Variants in PCNX2 observed in about 807,000 individuals in gnomAD.
PCNX2 encodes the protein pecanex-like protein 2.
A neutral mutation model predicts 223.8 loss-of-function variants in PCNX2; 168 were observed. The observed-to-expected ratio is 0.75, with a 90% CI of 0.66 to 0.85. PCNX2 has a LOEUF of 0.85. Among genes scored for constraint, PCNX2 ranks in the 40% least tolerant of loss-of-function variants. PCNX2 has a pLI of 0.00. For missense variants in PCNX2, 2,507 were observed against 2,675.5 expected, an observed-to-expected ratio of 0.94 and a Z score of 1.39; for synonymous variants, 1,006 against 1,052.6, an observed-to-expected ratio of 0.96 and a Z score of 0.86.
At chr1:233,063,073 C>G (rs929217396) in intron 23 of PCNX2, among the ~76,000 whole-genome samples, 8 of 152,050 alleles carry the variant, frequency 5.3e-5, no homozygotes, top group Non-Finnish European at 8.8e-5. Context: ...CCTGTCTCTA[C>G]TAAAAATATG....
chr1:233,295,685 G>C lies in PCNX2; in HGVS notation c.-207C>G, dbSNP rs993906890. ...ACCCGCGAACCGCGGCGCCGGAGCC[G>C]GCTGCTGCGGCCGGGCAGGTGAGCG... On this transcript the variant is annotated 5_prime_UTR_variant, in exon 1 of 34. Transcript: ENST00000258229. This position sits in a 1 kb window ranked among gnomAD's most constrained non-coding sequence, Gnocchi z 4.1. The C allele has an allele frequency of 2.1e-6, 1 of 475,236 alleles. No homozygotes were observed. The highest frequency in any genetic ancestry group is 3.3e-6 in the Non-Finnish European group (1 of 300,546). 29.4% of individuals were successfully genotyped at this position (475,236 alleles called of 1,614,324 possible). A position where few individuals can be genotyped will look rare whatever the true frequency, so the allele number is the denominator to read the frequency against.
chr1:233,256,220 T>G (rs1000601469), intron 5 of PCNX2, among the ~76,000 whole-genome samples: 2 of 152,084 alleles, frequency 1.3e-5, no homozygotes, highest in African/African-American at 4.8e-5. Flanking sequence ...GCAAACCAAA[T>G]AAACTTTACA....
intron 31 of PCNX2, among the ~76,000 whole-genome samples, chr1:232,998,814 A>G (rs1669966896): frequency 6.6e-6 from 1 of 152,144 alleles, no homozygotes; most frequent in Admixed American, 6.5e-5. Context: ...TTGCTAACAG[A>G]TGTGGAATGG....
At chr1:233,108,740 G>A (rs1173522036) in intron 21 of PCNX2, among the ~76,000 whole-genome samples, 1 of 152,164 alleles carries the variant, frequency 6.6e-6, no homozygotes, top group Non-Finnish European at 1.5e-5. Flanking sequence ...GGAAGGGATT[G>A]TTTAAAAATG....
intron 26 of PCNX2, among the ~76,000 whole-genome samples, chr1:233,020,006 C>T (rs561610789): frequency 1.3e-5 from 2 of 152,128 alleles, no homozygotes; most frequent in Non-Finnish European, 1.5e-5. Context: ...AGTTTTTCTG[C>T]AACATGGCCT....
intron 25 of PCNX2, among the ~76,000 whole-genome samples, chr1:233,046,771 T>C (rs770580437): frequency 1.3e-5 from 2 of 152,240 alleles, no homozygotes; most frequent in Non-Finnish European, 2.9e-5. Flanking sequence ...TCCTTCTGTA[T>C]TTCATCTGAT....
At chr1:233,284,216 G>A (rs1294598810) in intron 1 of PCNX2, among the ~76,000 whole-genome samples, 3 of 152,160 alleles carry the variant, frequency 2.0e-5, no homozygotes, top group African/African-American at 7.2e-5. Flanking sequence ...ACCATCATAT[G>A]AATAACTTTT....
In PCNX2 at chr1:233,258,387, G is replaced by A. The variant is rs181942130; in HGVS notation, c.1475C>T (p.Ser492Leu). 39 of 1,613,964 alleles carry A rather than the reference G, an allele frequency of 2.4e-5. No homozygotes were observed. Among genetic ancestry groups the A allele is most frequent in the African/African-American group, 2.3e-4 (17 of 75,040 alleles). The change falls in exon 5 of 34, where the codon TCG (serine) becomes TTG (leucine). Residue 492 changes from serine to leucine, a missense_variant. By Grantham distance (145) the Ser-to-Leu change is moderately radical. This residue lies in a region of PCNX2 where 1,031 missense variants were observed against 1,021.7 expected (regional missense o/e 1.01). Transcript: ENST00000258229. ...TGTATCAGGTGTAAGCCGGGACACC[G>A]ATTCCCAGGGTTCCCGTGATGAAGA... ...HSSSSREPWE[S>L]VSRLTPDTGS...
the PCNX2 span, among the ~76,000 whole-genome samples, chr1:233,317,407 C>G: frequency 7.1e-6 from 1 of 141,018 alleles, no homozygotes; most frequent in Admixed American, 7.2e-5. Flanking sequence ...GTGCGAGACT[C>G]TGTCTCAAAA....
At chr1:233,082,564 T>A (rs1260351551) in intron 23 of PCNX2, among the ~76,000 whole-genome samples, 1 of 152,076 alleles carries the variant, frequency 6.6e-6, no homozygotes, top group Non-Finnish European at 1.5e-5. Context: ...TATATGTAAA[T>A]CCCTCCCTGG....
chr1:233,134,147 A>G (rs1676670907), intron 21 of PCNX2, among the ~76,000 whole-genome samples: 1 of 152,212 alleles, frequency 6.6e-6, no homozygotes, highest in African/African-American at 2.4e-5. Context: ...CAGTCTCCAG[A>G]AGAAACCCCG....
Position 233,295,313 on chromosome 1 carries a change from C to A in PCNX2, c.153+13G>T. On this transcript the variant is annotated intron_variant, in intron 1 of 33. Coordinates refer to ENST00000258229, the MANE Select transcript of PCNX2 (RefSeq NM_014801.4). This position sits in a 1 kb window ranked among gnomAD's most constrained non-coding sequence, Gnocchi z 4.1. Reference sequence around the variant, plus strand: ...TACCCACAGCTCCCCGGGACCGGACCCTCCCCACTCACCAGGTGCAGGGCC... The same window carrying A: ...TACCCACAGCTCCCCGGGACCGGACACTCCCCACTCACCAGGTGCAGGGCC... 1 of 1,573,578 alleles carries A rather than the reference C, an allele frequency of 6.4e-7. No individual in the cohort carries two copies. Among genetic ancestry groups the A allele is most frequent in the Non-Finnish European group, 8.6e-7 (1 of 1,159,370 alleles).
chr1:233,238,458 A>G (rs1046942587), intron 8 of PCNX2, among the ~76,000 whole-genome samples: 2 of 152,086 alleles, frequency 1.3e-5, no homozygotes, highest in Non-Finnish European at 2.9e-5. Flanking sequence ...TGAGAGGGGG[A>G]GGCAGGAGGA....
At chr1:233,233,017 G>A (rs1258437663) in intron 9 of PCNX2, 13 of 985,224 alleles carry the variant, frequency 1.3e-5, no homozygotes, top group African/African-American at 1.7e-5. Context: ...AAATGGAAGC[G>A]GAAAATGCTG....
chr1:233,010,209 T>C (rs1572007906), intron 28 of PCNX2, among the ~76,000 whole-genome samples: 1 of 152,174 alleles, frequency 6.6e-6, no homozygotes, highest in Admixed American at 6.5e-5. Context: ...GTTGAGATGA[T>C]GTCTTGGATT....
rs371178357 is a variant in PCNX2, at chr1:232,987,564, G to C, written c.5792-1024C>G. ...AATAAAGACAAACAAGGGGGCGGAG[G>C]CATGAGTATCAGAAAGGACGTCCTA... On this transcript the variant is annotated intron_variant, in intron 32 of 33. Transcript: ENST00000258229. Among the ~76,000 whole-genome samples the C allele has an allele frequency of 1.4e-3, 219 of 152,304 alleles. 1 individual carries two copies. Among genetic ancestry groups the C allele is most frequent in the African/African-American group, 5.1e-3 (211 of 41,566 alleles).
At chr1:233,293,813 C>G (rs1002738426) in intron 1 of PCNX2, 1 of 318,134 alleles carries the variant, frequency 3.1e-6, no homozygotes, top group Non-Finnish European at 4.5e-6. Flanking sequence ...GTGAAGCTTG[C>G]TCAAGCTCAT....
intron 17 of PCNX2, among the ~76,000 whole-genome samples, chr1:233,166,432 G>A (rs542141696): frequency 2.0e-5 from 3 of 148,408 alleles, no homozygotes; most frequent in South Asian, 4.3e-4. Flanking sequence ...TTTGCTCTTC[G>A]AAAGACACTT....
At chr1:233,313,536 T>G in the PCNX2 span, among the ~76,000 whole-genome samples, 3 of 150,638 alleles carry the variant, frequency 2.0e-5, no homozygotes, top group Admixed American at 1.3e-4. Flanking sequence ...GATTCAACTA[T>G]GTAGAAGTAA....
Sources: allele counts gnomAD v4.1 joint callset (sites outside exome capture counted in the v4.1 genomes callset), GRCh38; gene constraint gnomAD v4.1.1; regional missense constraint gnomAD v4.1.1; non-coding constraint Gnocchi (gnomAD v3.1); transcripts MANE v1.5; gene names NCBI Gene and HGNC (gene_info 2026-07-23, HGNC 2026-07-21).